ZMIZ2: variants seen among roughly 807,000 people sequenced by gnomAD.
The protein encoded by ZMIZ2 is zinc finger MIZ domain-containing protein 2.
A neutral mutation model predicts 93.9 loss-of-function variants in ZMIZ2; 26 were observed. The observed-to-expected ratio is 0.28, with a 90% CI of 0.20 to 0.38. The LOEUF (loss-of-function observed/expected upper bound fraction) is 0.38. Among genes scored for constraint, ZMIZ2 ranks in the 10% least tolerant of loss-of-function variants. ZMIZ2 has a pLI of 1.00. For missense variants in ZMIZ2, 1,023 were observed against 1,235.0 expected (o/e 0.83, Z 2.57); for synonymous variants, 485 against 516.4 (o/e 0.94, Z 0.82).
chr7:44,753,211 A>ATT (rs35194113), intron 1 of ZMIZ2, among the ~76,000 whole-genome samples: 8 of 144,938 alleles, frequency 5.5e-5, no homozygotes, highest in South Asian at 2.2e-4. Context: ...TTTAATTTTA[A>ATT]TTTTTTTTTT....
chr7:44,766,141 A>G lies in ZMIZ2; in HGVS notation c.2243-23A>G. The G allele has an allele frequency of 1.3e-6, 2 of 1,593,842 alleles. No individual in the cohort carries two copies. The highest frequency in any genetic ancestry group is 1.7e-6 in the Non-Finnish European group (2 of 1,171,966). Reference sequence around the variant, plus strand: ...CGGTGGCCTTCCCCAGCCCTCACCCAGGCCCCGACTCTCCTCTCACAGGTT... The same window carrying G: ...CGGTGGCCTTCCCCAGCCCTCACCCGGGCCCCGACTCTCCTCTCACAGGTT... On this transcript the variant is annotated intron_variant, in intron 16 of 18. Coordinates refer to ENST00000309315, the MANE Select transcript of ZMIZ2 (RefSeq NM_031449.4). The surrounding 1 kb of genome is among the most constrained non-coding windows in gnomAD (Gnocchi z 4.4).
rs776847149 is a variant in ZMIZ2, at chr7:44,766,309, G to A, written c.2388G>A (p.Lys796=). The change falls in exon 17 of 19, where the codon AAG becomes AAA. Residue 796 remains lysine, a synonymous_variant. Coordinates refer to ENST00000309315, the MANE Select transcript of ZMIZ2 (RefSeq NM_031449.4). This position sits in a 1 kb window ranked among gnomAD's most constrained non-coding sequence, Gnocchi z 4.4. ...CCAGCAGCCTCCTGACTTCAGAGAA[G>A]TCTACCGCCTGCCTCCCAAGCCAGG... is the stretch of plus-strand genomic sequence containing the variant. ...DIPSSLLTSE[K]STACLPSQMA... The A allele has an allele frequency of 3.1e-6, 5 of 1,595,486 alleles. No homozygotes were observed. Among genetic ancestry groups the A allele is most frequent in the South Asian group, 2.3e-5 (2 of 87,566 alleles).
At chr7:44,751,392 C>T (rs1790131918) in intron 1 of ZMIZ2, among the ~76,000 whole-genome samples, 1 of 152,228 alleles carries the variant, frequency 6.6e-6, no homozygotes, top group Non-Finnish European at 1.5e-5. Flanking sequence ...CAGCTGCGAG[C>T]TGGTTTTGAT....
rs953251713 is a variant in ZMIZ2, at chr7:44,769,503, A to C, written c.*1880A>C. On this transcript the variant is annotated 3_prime_UTR_variant, in exon 19 of 19. Coordinates refer to ENST00000309315, the MANE Select transcript of ZMIZ2 (RefSeq NM_031449.4). ...GGAACAGAAGTGGAGGAAACAAAAG[A>C]AGCAGCAGCACGCACAGTCCTGTCG... The C allele has an allele frequency of 1.3e-5, 2 of 152,712 alleles. No homozygotes were observed. Among genetic ancestry groups the C allele is most frequent in the East Asian group, 1.9e-4 (1 of 5,196 alleles). 9.5% of individuals were successfully genotyped at this position (152,712 alleles called of 1,614,324 possible).
intron 1 of ZMIZ2, 107 bp from the exon 2 acceptor site, chr7:44,756,081 C>G: frequency 1.2e-6 from 1 of 836,548 alleles, no homozygotes; most frequent in East Asian, 2.7e-5. Context: ...CCCAGGGGTC[C>G]CTTATTGAGA....
At chr7:44,764,598 C>T (rs562663683) in intron 14 of ZMIZ2, 112 bp downstream of exon 14, 2 of 1,230,614 alleles carry the variant, frequency 1.6e-6, no homozygotes, top group Admixed American at 4.1e-5. Flanking sequence ...GGAGGAGTCA[C>T]TGCATGGACT....
Position 44,761,787 on chromosome 7 carries a change from C to T in ZMIZ2, c.1478C>T (p.Ala493Val). The change falls in exon 11 of 19, where the codon GCC becomes GTC. Residue 493 changes from alanine to valine, a missense_variant. Physicochemically the swap from Ala to Val is moderately conservative, Grantham distance 64 (BLOSUM62 0). This residue lies in a region of ZMIZ2 where 656 missense variants were observed against 777.1 expected (regional missense o/e 0.84). Transcript: ENST00000309315. The surrounding 1 kb of genome is among the most constrained non-coding windows in gnomAD (Gnocchi z 5.8). ...GCCTCGGTGCAGGTCAGCGTCAATG[C>T]CACGCCGCTCACCATCGAGCGTGGC... is the stretch of plus-strand genomic sequence containing the variant. ...WPASVQVSVN[A>V]TPLTIERGDN... 1 of 1,613,812 alleles carries T rather than the reference C, an allele frequency of 6.2e-7. No homozygotes were observed. The highest frequency in any genetic ancestry group is 8.5e-7 in the Non-Finnish European group (1 of 1,179,968).
Position 44,765,069 on chromosome 7 carries a change from A to G in ZMIZ2, c.1997+60A>G, listed in dbSNP as rs370739021. On this transcript the variant is annotated intron_variant, in intron 15 of 18. Transcript: ENST00000309315. This position sits in a 1 kb window ranked among gnomAD's most constrained non-coding sequence, Gnocchi z 4.1. Reference sequence around the variant, plus strand: ...GGCCACTGGAGGGCAGCCCCAGGACATGTCGGGGGATGTCCCTTGCCAAGT... The same window carrying G: ...GGCCACTGGAGGGCAGCCCCAGGACGTGTCGGGGGATGTCCCTTGCCAAGT... 4,908 of 1,591,800 alleles carry G rather than the reference A, an allele frequency of 3.1e-3. 10 individuals are homozygous for G. The highest frequency in any genetic ancestry group is 3.8e-3 in the Non-Finnish European group (4,462 of 1,160,974).
intron 1 of ZMIZ2, among the ~76,000 whole-genome samples, chr7:44,749,604 C>G (rs773180708): frequency 6.6e-6 from 1 of 152,194 alleles, no homozygotes; most frequent in Non-Finnish European, 1.5e-5. Context: ...ATGCCCTGCT[C>G]CCCTGAGGTG....
intron 11 of ZMIZ2, among the ~76,000 whole-genome samples, chr7:44,762,131 C>T (rs1349930454): frequency 2.0e-5 from 3 of 152,260 alleles, no homozygotes; most frequent in African/African-American, 4.8e-5. Context: ...TGCCCCCTTG[C>T]AGGGTGGAGA....
rs981286302 is a variant in ZMIZ2, at chr7:44,765,430, C to G, written c.2093C>G (p.Pro698Arg). 1 of 1,610,816 alleles carries G rather than the reference C, an allele frequency of 6.2e-7. No individual in the cohort carries two copies. The highest frequency in any genetic ancestry group is 8.5e-7 in the Non-Finnish European group (1 of 1,179,982). Residue 698 changes from proline (P) to arginine (R), a missense_variant, in exon 16 of 19, where the codon CCA becomes CGA. Around this residue, in one of 3 missense-constraint regions of ZMIZ2, gnomAD observed 319 missense variants for 358.8 expected, o/e 0.89. Coordinates refer to ENST00000309315, the MANE Select transcript of ZMIZ2 (RefSeq NM_031449.4). The surrounding 1 kb of genome is among the most constrained non-coding windows in gnomAD (Gnocchi z 4.1). ...DMHIKEEPDG[P>R]ALKRCRTVSP... Reference sequence around the variant, plus strand: ...CACATCAAGGAGGAGCCGGATGGGCCAGCACTGAAGCGCTGCCGCACCGTG... The same window carrying G: ...CACATCAAGGAGGAGCCGGATGGGCGAGCACTGAAGCGCTGCCGCACCGTG...
rs993837782 is a variant in ZMIZ2, at chr7:44,768,870, C to G, written c.*1247C>G. The G allele has an allele frequency of 2.0e-5, 3 of 152,318 alleles. No homozygotes were observed. The highest frequency in any genetic ancestry group is 6.5e-5 in the Admixed American group (1 of 15,288). 9.4% of individuals were successfully genotyped at this position (152,318 alleles called of 1,614,324 possible). On this transcript the variant is annotated 3_prime_UTR_variant, in exon 19 of 19. Coordinates refer to ENST00000309315, the MANE Select transcript of ZMIZ2 (RefSeq NM_031449.4). ...CTGGATGTTTCAAGCCAAGGCTCGG[C>G]TATTCCCGCCCCATAGTAAATTTCC...
intron 1 of ZMIZ2, among the ~76,000 whole-genome samples, chr7:44,753,115 ATCTTT>A (rs1790297855): frequency 6.6e-6 from 1 of 152,022 alleles, no homozygotes; most frequent in Non-Finnish European, 1.5e-5. Flanking sequence ...GATGCTGAGC[ATCTTT>A]TCTTATGCTT....
intron 14 of ZMIZ2, 137 bp from the exon 15 acceptor site, chr7:44,764,802 CAG>C (rs1018528008): frequency 4.7e-6 from 4 of 859,484 alleles, no homozygotes; most frequent in African/African-American, 1.7e-5. Context: ...TCAGCTCACA[CAG>C]AGTTACCTTG....
intron 4 of ZMIZ2, 109 bp from the exon 5 acceptor site, chr7:44,757,269 G>T: frequency 6.6e-7 from 1 of 1,504,166 alleles, no homozygotes; most frequent in East Asian, 2.4e-5. Flanking sequence ...TGTAGTGGAG[G>T]GTCTAGAAAG....
Position 44,757,426 on chromosome 7 carries a change from A to G in ZMIZ2, c.417A>G (p.Arg139=), listed in dbSNP as rs1445382151. 3 of 1,604,564 alleles carry G rather than the reference A, an allele frequency of 1.9e-6. No homozygotes were observed. The highest frequency in any genetic ancestry group is 2.7e-5 in the African/African-American group (2 of 74,758). Residue 139 remains arginine (R), a synonymous_variant, in exon 5 of 19, where the codon AGA becomes AGG. Transcript: ENST00000309315. ...TGGGCCTCCCCTCACATGCTGCAAG[A>G]CCCTCCACTGACTTCACGCAAGCGG... ...GGLGLPSHAA[R]PSTDFTQAAA...
At chr7:44,749,135 C>G (rs1789902001) in intron 1 of ZMIZ2, 144 bp downstream of exon 1, 1 of 152,134 alleles carries the variant, frequency 6.6e-6, no homozygotes, top group Non-Finnish European at 1.5e-5. Flanking sequence ...CGCCCCGGTT[C>G]CGCTGCGGCG....
At position 44,766,136 on chromosome 7, in the gene ZMIZ2, C is replaced by A. The variant is rs2116899735; in HGVS notation, c.2243-28C>A. The A allele has an allele frequency of 1.3e-6, 2 of 1,584,552 alleles. No individual in the cohort carries two copies. The highest frequency in any genetic ancestry group is 4.5e-5 in the East Asian group (2 of 44,628). ...GCCAGCGGTGGCCTTCCCCAGCCCT[C>A]ACCCAGGCCCCGACTCTCCTCTCAC... On this transcript the variant is annotated intron_variant, in intron 16 of 18. Transcript: ENST00000309315. This position sits in a 1 kb window ranked among gnomAD's most constrained non-coding sequence, Gnocchi z 4.4.
chr7:44,751,080 G>A (rs1466687823), intron 1 of ZMIZ2: 2 of 152,204 alleles, frequency 1.3e-5, no homozygotes, highest in Non-Finnish European at 2.9e-5. Flanking sequence ...AAATCCCCCT[G>A]TGCAGTGAAG....
Sources: allele counts gnomAD v4.1 joint callset (sites outside exome capture counted in the v4.1 genomes callset), GRCh38; gene constraint gnomAD v4.1.1; regional missense constraint gnomAD v4.1.1; non-coding constraint Gnocchi (gnomAD v3.1); transcripts MANE v1.5; gene names NCBI Gene and HGNC (gene_info 2026-07-23, HGNC 2026-07-21).